The following ITCH variants were observed in gnomAD, a reference collection of about 807,000 sequenced individuals.
ITCH encodes the protein E3 ubiquitin-protein ligase Itchy homolog.
ITCH carries 28 observed loss-of-function variants against 126.8 expected under a neutral mutation model. The observed-to-expected ratio is 0.22, with a 90% CI of 0.16 to 0.30. The LOEUF (loss-of-function observed/expected upper bound fraction) is 0.30, where lower values mean the gene tolerates loss of function less well. Ranked by LOEUF, ITCH falls within the 10% of genes least tolerant of loss-of-function variation. The pLI is 1.00. For synonymous variants in ITCH, 342 were observed against 340.0 expected, an observed-to-expected ratio of 1.01 and a Z score of -0.06; for missense variants, 631 against 1,032.4, an observed-to-expected ratio of 0.61 and a Z score of 5.33.
intron 23 of ITCH, among the ~76,000 whole-genome samples, chr20:34,499,030 A>G (rs1356277201): frequency 1.3e-5 from 2 of 150,986 alleles, no homozygotes; most frequent in Non-Finnish European, 2.9e-5. Flanking sequence ...GCTGGAACGC[A>G]GTGGCACGAT....
intron 2 of ITCH, among the ~76,000 whole-genome samples, chr20:34,387,025 G>A (rs866507099): frequency 1.4e-4 from 22 of 152,208 alleles, no homozygotes; most frequent in African/African-American, 4.8e-4. Context: ...TTTATAGGCC[G>A]GGTGTGATGG....
chr20:34,384,416 G>A (rs2038194373), intron 2 of ITCH, among the ~76,000 whole-genome samples: 1 of 151,168 alleles, frequency 6.6e-6, no homozygotes, highest in African/African-American at 2.4e-5. Context: ...GAGTAACTGG[G>A]ATTACAGGCA....
intron 14 of ITCH, among the ~76,000 whole-genome samples, chr20:34,462,913 G>A (rs1312294791): frequency 6.6e-6 from 1 of 152,100 alleles, no homozygotes; most frequent in Non-Finnish European, 1.5e-5. Context: ...AGATTTATCC[G>A]TGTTGTAATA....
chr20:34,425,755 C>T (rs1981428795), intron 7 of ITCH, among the ~76,000 whole-genome samples: 1 of 152,190 alleles, frequency 6.6e-6, no homozygotes, highest in South Asian at 2.1e-4. Context: ...ACCTTCTCCC[C>T]ACCATCACCC....
intron 2 of ITCH, among the ~76,000 whole-genome samples, chr20:34,391,813 T>C (rs2038499576): frequency 6.6e-6 from 1 of 152,206 alleles, no homozygotes; most frequent in Non-Finnish European, 1.5e-5. Flanking sequence ...CTTTCATTAA[T>C]CTTTTCTACA....
chr20:34,500,270 G>A (rs1322429148), intron 23 of ITCH, among the ~76,000 whole-genome samples: 1 of 152,210 alleles, frequency 6.6e-6, no homozygotes, highest in Non-Finnish European at 1.5e-5. Flanking sequence ...AGTGCTAAGA[G>A]TGGATATTGA....
chr20:34,445,228 ATC>A, intron 10 of ITCH, 57 bp from the exon 11 acceptor site: 1 of 1,572,088 alleles, frequency 6.4e-7, no homozygotes, highest in Non-Finnish European at 8.6e-7. Flanking sequence ...AAAATATTCT[ATC>A]TGTTTCACAA....
chr20:34,444,922 G>A (rs1032782846), intron 10 of ITCH, among the ~76,000 whole-genome samples: 13 of 152,212 alleles, frequency 8.5e-5, no homozygotes, highest in Non-Finnish European at 1.5e-4. Context: ...GATCACAGGT[G>A]TGTGAGCCAC....
At chr20:34,434,214 G>A (rs919132756) in intron 7 of ITCH, among the ~76,000 whole-genome samples, 11 of 151,710 alleles carry the variant, frequency 7.3e-5, no homozygotes, top group African/African-American at 2.2e-4. Flanking sequence ...GAGGTGAGGC[G>A]GGAGGATCAT....
At chr20:34,454,362 C>A (rs1985627880) in intron 12 of ITCH, 1 of 151,962 alleles carries the variant, frequency 6.6e-6, no homozygotes, top group South Asian at 2.1e-4. Flanking sequence ...TGGTCTCGAT[C>A]TCCTGACCTC....
intron 23 of ITCH, among the ~76,000 whole-genome samples, chr20:34,495,134 G>C (rs1989777054): frequency 6.7e-6 from 1 of 148,484 alleles, no homozygotes; most frequent in Admixed American, 6.7e-5. Context: ...GTGAGGTGGT[G>C]GGAGCCTGTA....
rs2038574694 is a variant in ITCH, at chr20:34,393,897, A to G, written c.70+16A>G. The G allele has an allele frequency of 6.2e-7, 1 of 1,607,806 alleles. No individual in the cohort carries two copies. Among genetic ancestry groups the G allele is most frequent in the Non-Finnish European group, 8.5e-7 (1 of 1,174,228 alleles). The stretch of plus-strand genomic sequence containing the variant: ...CAGATCACTGGTAAGTTTTAGAAAC[A>G]TCGGCTGCTTTACTTTATTTTTCCC... On this transcript the variant is annotated intron_variant, in intron 3 of 24. Transcript: ENST00000374864.
intron 20 of ITCH, among the ~76,000 whole-genome samples, chr20:34,484,834 C>T (rs1028563821): frequency 6.6e-6 from 1 of 152,146 alleles, no homozygotes; most frequent in African/African-American, 2.4e-5. Context: ...CATTTAATTA[C>T]CAATTCTGTA....
At chr20:34,388,919 A>G (rs2038388065) in intron 2 of ITCH, among the ~76,000 whole-genome samples, 1 of 152,214 alleles carries the variant, frequency 6.6e-6, no homozygotes, top group African/African-American at 2.4e-5. Flanking sequence ...ACAGAAAACA[A>G]GAGATGAAGA....
At chr20:34,438,381 A>T (rs193220183) in intron 7 of ITCH, 93 bp from the exon 8 acceptor site, 8 of 1,358,528 alleles carry the variant, frequency 5.9e-6, no homozygotes, top group Non-Finnish European at 8.4e-6. Flanking sequence ...TTAAAAACTT[A>T]GAAGTTTTCA....
chr20:34,398,035 C>T (rs375282941), intron 3 of ITCH, among the ~76,000 whole-genome samples: 17 of 150,830 alleles, frequency 1.1e-4, no homozygotes, highest in African/African-American at 3.9e-4. Flanking sequence ...ACTAATTGCA[C>T]CTCAAAAAGT....
At chr20:34,364,454 G>A (rs1039693143) in intron 1 of ITCH, among the ~76,000 whole-genome samples, 3 of 152,050 alleles carry the variant, frequency 2.0e-5, no homozygotes, top group Admixed American at 2.0e-4. Context: ...GTATGTAAAG[G>A]CAGTGTATTT....
rs115928325 is a variant in ITCH, at chr20:34,459,936, G to A, written c.1296-2157G>A. Among the ~76,000 whole-genome samples, 1,225 of 152,206 alleles carry A rather than the reference G, an allele frequency of 8.0e-3. 20 individuals carry two copies. Among genetic ancestry groups the A allele is most frequent in the African/African-American group, 0.028 (1,176 of 41,532 alleles). On this transcript the variant is annotated intron_variant, in intron 13 of 24. Transcript: ENST00000374864. ...TTTAGAATTTTCTAAGAATAGAATTGAAGAAGTCACCTTTCTATAATTTGC... is the reference window on the plus strand; with the variant it reads ...TTTAGAATTTTCTAAGAATAGAATTAAAGAAGTCACCTTTCTATAATTTGC...
intron 14 of ITCH, among the ~76,000 whole-genome samples, chr20:34,464,781 G>C (rs986886096): frequency 9.2e-5 from 14 of 152,058 alleles, no homozygotes; most frequent in Admixed American, 8.5e-4. Flanking sequence ...CAAGATCTCA[G>C]CTCACTGCAA....
Sources: allele counts gnomAD v4.1 joint callset (sites outside exome capture counted in the v4.1 genomes callset), GRCh38; gene constraint gnomAD v4.1.1; transcripts MANE v1.5; gene names NCBI Gene and HGNC (gene_info 2026-07-23, HGNC 2026-07-21).